Variants in LRP2 observed in about 807,000 individuals in gnomAD.
LRP2 encodes the protein low-density lipoprotein receptor-related protein 2.
Under a neutral mutation model 531.0 loss-of-function variants are expected in LRP2, and 172 were observed. That is an observed-to-expected ratio of 0.32 (90% CI 0.29 to 0.37). The LOEUF (loss-of-function observed/expected upper bound fraction) is 0.37, where lower values mean the gene tolerates loss of function less well. LRP2 is among the 10% of genes least tolerant of loss of function. The pLI is 1.00. For missense variants in LRP2, 5,167 were observed against 5,868.3 expected (o/e 0.88, Z 3.90); for synonymous variants, 1,992 against 2,027.6 (o/e 0.98, Z 0.47).
Position 169,139,320 on chromosome 2 carries a change from A to G in LRP2, c.13319T>C (p.Leu4440Pro), listed in dbSNP as rs1685634937. 6.2e-7 allele frequency: 1 copy of G among 1,613,938 alleles called. No homozygotes were observed. The highest frequency in any genetic ancestry group is 1.3e-5 in the African/African-American group (1 of 74,934). Residue 4440 changes from leucine to proline, a missense_variant, in exon 74 of 79, where the codon CTG becomes CCG. Leu to Pro is a moderately conservative substitution (Grantham distance 98, BLOSUM62 -3). Around this residue, in one of 6 missense-constraint regions of LRP2, gnomAD observed 348 missense variants for 369.3 expected, o/e 0.94. Transcript: ENST00000649046. Reference protein sequence around the residue: ...TILLIVVIGALAIAGFFHYRR... With the variant: ...TILLIVVIGAPAIAGFFHYRR... ...ATAGTGGAAGAATCCTGCAATTGCC[A>G]GAGCTCCAATTACGACGATCAAGAG...
At chr2:169,354,025 G>A (rs145560114) in intron 1 of LRP2, among the ~76,000 whole-genome samples, 2 of 152,084 alleles carry the variant, frequency 1.3e-5, no homozygotes, top group South Asian at 2.1e-4. Flanking sequence ...AAAAATAAAC[G>A]ATTTTGATTT....
chr2:169,357,711 G>A (rs902166736), intron 1 of LRP2, among the ~76,000 whole-genome samples: 18 of 152,004 alleles, frequency 1.2e-4, no homozygotes, highest in African/African-American at 4.3e-4. Context: ...CAATGCACTT[G>A]CTTCTGATTA....
chr2:169,338,592 T>A (rs1054255412), intron 1 of LRP2, among the ~76,000 whole-genome samples: 2 of 152,214 alleles, frequency 1.3e-5, no homozygotes, highest in Admixed American at 6.5e-5. Flanking sequence ...TGTCCACCTA[T>A]TGATTCAACT....
At position 169,257,771 on chromosome 2, in the gene LRP2, T is replaced by C. The variant is rs201833453; in HGVS notation, c.2514-522A>G. Among the ~76,000 whole-genome samples, 3 of 135,764 alleles carry C rather than the reference T, an allele frequency of 2.2e-5. No homozygotes were observed. In the East Asian group the frequency reaches 6.4e-4, roughly 29 times the overall value. The allele number at this position is 135,764 out of a possible 152,430, so 89.1% of individuals were successfully genotyped here. On this transcript the variant is annotated intron_variant, in intron 17 of 78. Coordinates refer to ENST00000649046, the MANE Select transcript of LRP2 (RefSeq NM_004525.3). ...ACAGTATCTGACCCAAGCATTTTTTTAATATTCTAAAGAGTGGGAAAAAGA... is the reference window on the plus strand; with the variant it reads ...ACAGTATCTGACCCAAGCATTTTTTCAATATTCTAAAGAGTGGGAAAAAGA...
chr2:169,339,499 G>T (rs1464124661), intron 1 of LRP2, among the ~76,000 whole-genome samples: 1 of 152,080 alleles, frequency 6.6e-6, no homozygotes, highest in Non-Finnish European at 1.5e-5. Flanking sequence ...TTCTCTGGTT[G>T]ATACTAGCTG....
chr2:169,166,097 GA>G, intron 61 of LRP2, 43 bp from the exon 62 acceptor site: 1 of 1,605,808 alleles, frequency 6.2e-7, no homozygotes, highest in Non-Finnish European at 8.5e-7. Flanking sequence ...GTTAACAGTA[GA>G]ATCTAAGTGT....
chr2:169,186,609 C>T (rs577423348), intron 49 of LRP2, among the ~76,000 whole-genome samples: 2 of 152,326 alleles, frequency 1.3e-5, no homozygotes, highest in Non-Finnish European at 2.9e-5. Flanking sequence ...ATTGCAAAAT[C>T]CATTATCCAA....
At chr2:169,188,612 A>C (rs1218490919) in intron 48 of LRP2, among the ~76,000 whole-genome samples, 1 of 152,242 alleles carries the variant, frequency 6.6e-6, no homozygotes, top group African/African-American at 2.4e-5. Context: ...TGATAAACTA[A>C]TTAAATACAA....
At position 169,198,882 on chromosome 2, in the gene LRP2, T is replaced by C. The variant is rs529347404; in HGVS notation, c.8482A>G (p.Lys2828Glu). ...PDRTCQSGYT[K>E]CHNSNICIPR... The stretch of plus-strand genomic sequence containing the variant: ...ATACAAATATTTGAATTATGACATT[T>C]TGTGTATCCAGACTGGCAAGTGCGA... The change falls in exon 45 of 79, where the codon AAA becomes GAA. Residue 2828 changes from lysine (K) to glutamate (E), a missense_variant. Around this residue, in one of 6 missense-constraint regions of LRP2, gnomAD observed 1,129 missense variants for 1,362.7 expected, o/e 0.83. Coordinates refer to ENST00000649046, the MANE Select transcript of LRP2 (RefSeq NM_004525.3). 1.2e-6 allele frequency: 2 copies of C among 1,613,876 alleles called. No homozygotes were observed. Among genetic ancestry groups the C allele is most frequent in the South Asian group, 2.2e-5 (2 of 91,078 alleles).
intron 66 of LRP2, 95 bp downstream of exon 66, chr2:169,154,365 T>C (rs1686255991): frequency 8.4e-7 from 1 of 1,188,144 alleles, no homozygotes. Flanking sequence ...TGCAACAAAA[T>C]TCACTCATTA....
intron 68 of LRP2, among the ~76,000 whole-genome samples, chr2:169,150,665 T>C (rs1266323957): frequency 1.3e-5 from 2 of 152,192 alleles, no homozygotes; most frequent in Admixed American, 6.5e-5. Context: ...AAGGAATCCA[T>C]GTAACTAGAA....
chr2:169,237,944 A>G, intron 27 of LRP2, 147 bp downstream of exon 27: 5 of 724,124 alleles, frequency 6.9e-6, no homozygotes, highest in Admixed American at 2.1e-5. Context: ...AGTTATGAAC[A>G]CGCAAGTCTC....
intron 4 of LRP2, among the ~76,000 whole-genome samples, chr2:169,299,108 A>C (rs1684209025): frequency 1.4e-5 from 1 of 69,058 alleles, no homozygotes; most frequent in Non-Finnish European, 3.0e-5. Flanking sequence ...AGAAAGAAAG[A>C]AAGAAAGAAA....
intron 4 of LRP2, among the ~76,000 whole-genome samples, chr2:169,302,843 A>G (rs912261123): frequency 6.6e-6 from 1 of 152,168 alleles, no homozygotes; most frequent in African/African-American, 2.4e-5. Flanking sequence ...TAACTTGAAC[A>G]TAAAGATTTT....
At chr2:169,320,622 C>CAGTT (rs1293328847) in intron 2 of LRP2, among the ~76,000 whole-genome samples, 155 bp downstream of exon 2, 1 of 152,188 alleles carries the variant, frequency 6.6e-6, no homozygotes, top group Non-Finnish European at 1.5e-5. Flanking sequence ...TTAATGCCAT[C>CAGTT]AGTTCTCTAT....
chr2:169,290,750 T>C lies in LRP2; in HGVS notation c.922+95A>G, dbSNP rs1683978063. ...CACTAAGTCTTGGGGTGCTTTGTTA[T>C]GCAAATGCCAACAGATACACTGTAT... On this transcript the variant is annotated intron_variant, in intron 8 of 78. Coordinates refer to ENST00000649046, the MANE Select transcript of LRP2 (RefSeq NM_004525.3). The C allele has an allele frequency of 3.7e-6, 5 of 1,345,186 alleles. No individual in the cohort carries two copies. In the South Asian group the frequency reaches 4.9e-5, roughly 13 times the overall value. 83.3% of individuals were successfully genotyped at this position (1,345,186 alleles called of 1,614,324 possible). A position where few individuals can be genotyped will look rare whatever the true frequency, so the allele number is the denominator to read the frequency against.
In LRP2 at chr2:169,157,953, T is replaced by TAAAA. The variant is rs1233711848; in HGVS notation, c.11888-452_11888-451insTTTT. On this transcript the variant is annotated intron_variant, in intron 63 of 78. Coordinates refer to ENST00000649046, the MANE Select transcript of LRP2 (RefSeq NM_004525.3). ...ATAAATAAATAAATAAATAAATAAA[T>TAAAA]AAATAAAAGACATGGATACAGATAG... is the stretch of plus-strand genomic sequence containing the variant. 2.6e-4 allele frequency among the ~76,000 whole-genome samples: 38 copies of TAAAA among 145,976 alleles called. No homozygotes were observed. In the East Asian group the frequency reaches 0.011, roughly 42 times the overall value.
At chr2:169,349,980 C>T (rs1414715029) in intron 1 of LRP2, among the ~76,000 whole-genome samples, 2 of 152,182 alleles carry the variant, frequency 1.3e-5, no homozygotes, top group African/African-American at 2.4e-5. Flanking sequence ...AAAGTTGCTA[C>T]AGCAAGGAAA....
Position 169,347,060 on chromosome 2 carries a change from C to T in LRP2, c.79+15261G>A, listed in dbSNP as rs905208824. ...GGCTTATTTTCAAGACTATATCACA[C>T]CTCTAGTACCTTCTTTCCCTCTTTC... is the stretch of plus-strand genomic sequence containing the variant. On this transcript the variant is annotated intron_variant, in intron 1 of 78. Coordinates refer to ENST00000649046, the MANE Select transcript of LRP2 (RefSeq NM_004525.3). Among the ~76,000 whole-genome samples, 6 of 152,202 alleles carry T rather than the reference C, an allele frequency of 3.9e-5. 1 individual carries two copies. The highest frequency in any genetic ancestry group is 1.2e-4 in the African/African-American group (5 of 41,460).
Sources: allele counts gnomAD v4.1 joint callset (sites outside exome capture counted in the v4.1 genomes callset), GRCh38; gene constraint gnomAD v4.1.1; regional missense constraint gnomAD v4.1.1; transcripts MANE v1.5; gene names NCBI Gene and HGNC (gene_info 2026-07-23, HGNC 2026-07-21).